WDR1: variants seen among roughly 807,000 people sequenced by gnomAD.
WDR1 encodes the protein WD repeat domain 1.
WDR1 carries 21 observed loss-of-function variants against 71.9 expected under a neutral mutation model. That is an observed-to-expected ratio of 0.29 (90% CI 0.21 to 0.42). The LOEUF (loss-of-function observed/expected upper bound fraction) is 0.42, where lower values mean the gene tolerates loss of function less well. WDR1 is among the 10% of genes least tolerant of loss of function. WDR1 has a pLI of 1.00. For synonymous variants in WDR1, 424 were observed against 347.4 expected (o/e 1.22, Z -2.45); for missense variants, 696 against 824.5 (o/e 0.84, Z 1.91).
At chr4:10,079,484 T>C (rs1490266992) in intron 11 of WDR1, among the ~76,000 whole-genome samples, 1 of 152,182 alleles carries the variant, frequency 6.6e-6, no homozygotes, top group Admixed American at 6.5e-5. Flanking sequence ...AGGCTCCAGT[T>C]CCCACAGGCT....
intron 7 of WDR1, 80 bp from the exon 8 acceptor site, chr4:10,088,020 C>G (rs1347154707): frequency 7.4e-7 from 1 of 1,349,820 alleles, no homozygotes; most frequent in Non-Finnish European, 1.0e-6. Flanking sequence ...TTGTCCACTG[C>G]GACTGTTTGA....
intron 4 of WDR1, among the ~76,000 whole-genome samples, chr4:10,098,440 T>C (rs1712487215): frequency 6.6e-6 from 1 of 152,316 alleles, no homozygotes. Context: ...TGGCCAGCCA[T>C]GGTGCTGCAG....
chr4:10,099,576 T>C (rs992782508), intron 3 of WDR1, among the ~76,000 whole-genome samples: 2 of 152,272 alleles, frequency 1.3e-5, no homozygotes, highest in East Asian at 3.8e-4. Context: ...GGGACGGCAC[T>C]GGCTACACCT....
In WDR1 at chr4:10,116,302, G is replaced by A. The variant is rs747475604; in HGVS notation, c.17-68C>T. 20 of 1,604,888 alleles carry A rather than the reference G, an allele frequency of 1.2e-5. No homozygotes were observed. The South Asian group carries it at 1.8e-4, about 14-fold the overall frequency. On this transcript the variant is annotated intron_variant, in intron 1 of 14. Transcript: ENST00000499869. The stretch of plus-strand genomic sequence containing the variant: ...GGGACGGCGGGGACAGAAGGGAGAA[G>A]GAGCCCCGGACCGGTCTCGGCCGGT...
chr4:10,092,795 C>T (rs1578430611), intron 5 of WDR1: 1 of 334,910 alleles, frequency 3.0e-6, no homozygotes, highest in East Asian at 7.8e-5. Context: ...GGGAACCTCC[C>T]GGGGAGTTCA....
In WDR1 at chr4:10,081,401, C is replaced by T; in HGVS notation, c.1240G>A (p.Ala414Thr). ...VKLDVQPKCVAVGPGGYAVVV... is the reference protein window; with the variant it reads ...VKLDVQPKCVTVGPGGYAVVV... ...ACGGCGTATCCCCCGGGGCCGACGG[C>T]TACGCACTTTGGCTGAACGTCCAGT... The change falls in exon 11 of 15, where the codon GCC becomes ACC. Residue 414 changes from alanine (A) to threonine (T), a missense_variant. By Grantham distance (58) the Ala-to-Thr change is moderately conservative. Coordinates refer to ENST00000499869, the MANE Select transcript of WDR1 (RefSeq NM_017491.5). The T allele has an allele frequency of 6.2e-7, 1 of 1,613,974 alleles. No homozygotes were observed. The highest frequency in any genetic ancestry group is 8.5e-7 in the Non-Finnish European group (1 of 1,179,894).
chr4:10,110,751 T>C (rs73807222), intron 2 of WDR1, among the ~76,000 whole-genome samples: 1,688 of 152,272 alleles, frequency 0.011, 24 homozygotes, highest in African/African-American at 0.039. Flanking sequence ...TCAACCTTGG[T>C]ACCCCTGGCA....
At chr4:10,100,249 G>A (rs1712607913) in intron 3 of WDR1, among the ~76,000 whole-genome samples, 1 of 152,228 alleles carries the variant, frequency 6.6e-6, no homozygotes, top group South Asian at 2.1e-4. Flanking sequence ...TTGGGAGCAG[G>A]GGCCCTGGGT....
chr4:10,088,525 C>G, intron 6 of WDR1, 139 bp downstream of exon 6: 3 of 1,115,182 alleles, frequency 2.7e-6, no homozygotes, highest in Non-Finnish European at 4.0e-6. Context: ...TGGGCTCTGA[C>G]GACGAGTCTG....
At chr4:10,082,890 TGCTGGG>T in intron 10 of WDR1, 126 bp downstream of exon 10, 1 of 1,207,298 alleles carries the variant, frequency 8.3e-7, no homozygotes, top group African/African-American at 1.5e-5. Context: ...AGGAGAACAA[TGCTGGG>T]GACGGGGTGG....
At chr4:10,092,998 C>G (rs532723200) in intron 5 of WDR1, 4 of 1,225,094 alleles carry the variant, frequency 3.3e-6, no homozygotes, top group African/African-American at 3.1e-5. Context: ...ACGAGCCCCC[C>G]TCCCCACAGT....
chr4:10,116,449 C>T, intron 1 of WDR1: 1 of 815,676 alleles, frequency 1.2e-6, no homozygotes. Flanking sequence ...CGGCTCGGCC[C>T]ACGGCGCCAA....
chr4:10,082,992 C>T lies in WDR1; in HGVS notation c.1196+30G>A, dbSNP rs149455738. On this transcript the variant is annotated intron_variant, in intron 10 of 14. Coordinates refer to ENST00000499869, the MANE Select transcript of WDR1 (RefSeq NM_017491.5). ...CCTCCGAGGGGAGCTGAGGCTCATC[C>T]GGAACCCCCGCAGACCCGAGTGCTC... 5.0e-3 allele frequency: 8,001 copies of T among 1,587,386 alleles called. 35 individuals are homozygous for T. The highest frequency in any genetic ancestry group is 5.6e-3 in the Non-Finnish European group (6,483 of 1,162,952).
chr4:10,088,221 G>T, intron 7 of WDR1, 72 bp downstream of exon 7: 1 of 1,392,768 alleles, frequency 7.2e-7, no homozygotes, highest in Non-Finnish European at 1.0e-6. Flanking sequence ...ACTCCGGAGT[G>T]AGTGTGGATG....
At chr4:10,092,958 C>T in intron 5 of WDR1, 1 of 871,938 alleles carries the variant, frequency 1.1e-6, no homozygotes, top group Non-Finnish European at 1.6e-6. Flanking sequence ...TCCCTTGCAG[C>T]CAACACATAG....
intron 2 of WDR1, among the ~76,000 whole-genome samples, chr4:10,111,120 C>A (rs886295543): frequency 6.6e-6 from 1 of 152,086 alleles, no homozygotes; most frequent in Non-Finnish European, 1.5e-5. Context: ...TTCTCCTTAC[C>A]GTAGGCTGGA....
intron 3 of WDR1, among the ~76,000 whole-genome samples, chr4:10,100,701 G>A (rs1037857009): frequency 6.6e-6 from 1 of 152,166 alleles, no homozygotes; most frequent in Admixed American, 6.5e-5. Context: ...TGTGCTACCT[G>A]AGCTGAGTTC....
chr4:10,075,680 G>GCCGGGTA lies in WDR1; in HGVS notation c.1715-203_1715-197dup. ...CCACGTGACACTCCTGAACCCCGGG[G>GCCGGGTA]CCGGGTACCTCTTTTTTGTGTGCTG... On this transcript the variant is annotated intron_variant, in intron 14 of 14. Coordinates refer to ENST00000499869, the MANE Select transcript of WDR1 (RefSeq NM_017491.5). 5.0e-6 allele frequency: 3 copies of GCCGGGTA among 602,290 alleles called. No homozygotes were observed. In the South Asian group the frequency reaches 5.9e-5, roughly 12 times the overall value. The allele number at this position is 602,290 out of a possible 1,614,324, so 37.3% of individuals were successfully genotyped here.
chr4:10,074,843 C>G lies in WDR1; in HGVS notation c.*535G>C, dbSNP rs931494335. ...CAGGGGTTGTGTGTCCCCATCTGATCTGGAGGTGGCGCTCTGAAGGCAGCC... is the reference window on the plus strand; with the variant it reads ...CAGGGGTTGTGTGTCCCCATCTGATGTGGAGGTGGCGCTCTGAAGGCAGCC... On this transcript the variant is annotated 3_prime_UTR_variant, in exon 15 of 15. Coordinates refer to ENST00000499869, the MANE Select transcript of WDR1 (RefSeq NM_017491.5). 6 of 154,848 alleles carry G rather than the reference C, an allele frequency of 3.9e-5. No individual in the cohort carries two copies. Among genetic ancestry groups the G allele is most frequent in the Non-Finnish European group, 7.2e-5 (5 of 69,906 alleles). The allele number at this position is 154,848 out of a possible 1,614,324, so 9.6% of individuals were successfully genotyped here.
Sources: allele counts gnomAD v4.1 joint callset (sites outside exome capture counted in the v4.1 genomes callset), GRCh38; gene constraint gnomAD v4.1.1; transcripts MANE v1.5; gene names NCBI Gene and HGNC (gene_info 2026-07-23, HGNC 2026-07-21).